The following ZMAT4 variants were observed in gnomAD, a reference collection of about 807,000 sequenced individuals.
ZMAT4 encodes zinc finger matrin-type protein 4.
A neutral mutation model predicts 28.7 loss-of-function variants in ZMAT4; 17 were observed. That is an observed-to-expected ratio of 0.59 (90% CI 0.41 to 0.89). The LOEUF (loss-of-function observed/expected upper bound fraction) is 0.89. Among genes scored for constraint, ZMAT4 ranks in the 40% least tolerant of loss-of-function variants. The probability of loss-of-function intolerance (pLI) is 0.00; values close to 1 mark genes in which losing one functional copy is unlikely to be tolerated. For synonymous variants in ZMAT4, 117 were observed against 109.2 expected (o/e 1.07, Z -0.44); for missense variants, 240 against 283.8 (o/e 0.85, Z 1.11).
At chr8:40,841,081 C>T (rs973193993) in intron 1 of ZMAT4, among the ~76,000 whole-genome samples, 15 of 152,198 alleles carry the variant, frequency 9.9e-5, no homozygotes, top group African/African-American at 3.6e-4. Context: ...AGAAGAGCAA[C>T]ATCACAGGCT....
intron 3 of ZMAT4, among the ~76,000 whole-genome samples, chr8:40,751,939 C>T (rs956110049): frequency 3.3e-5 from 5 of 152,110 alleles, no homozygotes; most frequent in Non-Finnish European, 5.9e-5. Context: ...AGGGAAGACC[C>T]CTGTCCTCCT....
chr8:40,552,146 C>T (rs1017900132), intron 6 of ZMAT4, among the ~76,000 whole-genome samples: 28 of 151,846 alleles, frequency 1.8e-4, no homozygotes, highest in Non-Finnish European at 1.2e-4. Context: ...CTCATAATAG[C>T]CCTCTCTTCT....
intron 1 of ZMAT4, among the ~76,000 whole-genome samples, chr8:40,853,936 T>C (rs1817207427): frequency 6.6e-6 from 1 of 152,182 alleles, no homozygotes. Flanking sequence ...CTGCAGGCTG[T>C]ACAGGAAGCA....
intron 5 of ZMAT4, among the ~76,000 whole-genome samples, chr8:40,621,160 G>A (rs1045507873): frequency 2.6e-5 from 4 of 152,182 alleles, no homozygotes; most frequent in Admixed American, 6.5e-5. Flanking sequence ...AGCCCTACCA[G>A]CGAGGGAGTG....
chr8:40,689,598 C>T (rs4472504), intron 4 of ZMAT4, among the ~76,000 whole-genome samples: 146,642 of 152,100 alleles, frequency 0.96, 70,883 homozygotes, highest in East Asian at 1. Context: ...AGGTGTGATG[C>T]TTACTTTATG....
At chr8:40,886,307 G>A (rs1818450025) in intron 1 of ZMAT4, among the ~76,000 whole-genome samples, 1 of 152,216 alleles carries the variant, frequency 6.6e-6, no homozygotes, top group South Asian at 2.1e-4. Flanking sequence ...ATCAGAAGGG[G>A]CAAATGCAGA....
At chr8:40,597,438 T>C (rs1805143035) in intron 5 of ZMAT4, among the ~76,000 whole-genome samples, 1 of 152,210 alleles carries the variant, frequency 6.6e-6, no homozygotes, top group Admixed American at 6.5e-5. Context: ...CTGCTTCCCC[T>C]GTCTGATCCT....
At chr8:40,723,413 G>C (rs1811187482) in intron 3 of ZMAT4, among the ~76,000 whole-genome samples, 1 of 151,812 alleles carries the variant, frequency 6.6e-6, no homozygotes, top group Non-Finnish European at 1.5e-5. Flanking sequence ...CATGGTGGCA[G>C]GCACCTGTAA....
At chr8:40,830,959 T>G (rs1195577958) in intron 1 of ZMAT4, among the ~76,000 whole-genome samples, 1 of 152,210 alleles carries the variant, frequency 6.6e-6, no homozygotes, top group African/African-American at 2.4e-5. Flanking sequence ...TAGCACAGAC[T>G]GTGGCATAGC....
chr8:40,677,886 A>G (rs1808978074), intron 4 of ZMAT4, among the ~76,000 whole-genome samples: 1 of 152,208 alleles, frequency 6.6e-6, no homozygotes, highest in South Asian at 2.1e-4. Flanking sequence ...CCTGCCCTTT[A>G]TATAGATTCA....
At chr8:40,653,074 A>C (rs1807754802) in intron 5 of ZMAT4, among the ~76,000 whole-genome samples, 1 of 152,122 alleles carries the variant, frequency 6.6e-6, no homozygotes, top group South Asian at 2.1e-4. Flanking sequence ...ACTAAAACTT[A>C]AAGTATAATA....
chr8:40,855,945 C>A (rs1817282324), intron 1 of ZMAT4, among the ~76,000 whole-genome samples: 1 of 152,056 alleles, frequency 6.6e-6, no homozygotes, highest in Non-Finnish European at 1.5e-5. Context: ...CCCACCTCGA[C>A]CTCCCAAAGT....
At chr8:40,680,072 TAC>T (rs1809089230) in intron 4 of ZMAT4, among the ~76,000 whole-genome samples, 1 of 152,172 alleles carries the variant, frequency 6.6e-6, no homozygotes, top group African/African-American at 2.4e-5. Context: ...TGTCAAAGTG[TAC>T]ATACATATCA....
At chr8:40,638,290 A>G (rs540474933) in intron 5 of ZMAT4, among the ~76,000 whole-genome samples, 4 of 150,600 alleles carry the variant, frequency 2.7e-5, no homozygotes, top group East Asian at 3.8e-4. Context: ...TCATTCCACA[A>G]TGGGTGCATG....
intron 2 of ZMAT4, among the ~76,000 whole-genome samples, chr8:40,819,164 A>G (rs1213269464): frequency 6.6e-6 from 1 of 152,144 alleles, no homozygotes; most frequent in Non-Finnish European, 1.5e-5. Context: ...TGTAGGTCCA[A>G]TATGCCTGCT....
chr8:40,532,159 TA>T lies in ZMAT4; in HGVS notation c.*63del. On this transcript the variant is annotated 3_prime_UTR_variant, in exon 7 of 7. Coordinates refer to ENST00000297737, the MANE Select transcript of ZMAT4 (RefSeq NM_024645.3). ...GAAAGAAGCCTCCTCTGGTGGTTGA[TA>T]AGCAATTCTCCACGGCAGAGAAATG... 1 of 1,486,690 alleles carries T rather than the reference TA, an allele frequency of 6.7e-7. No homozygotes were observed. Among genetic ancestry groups the T allele is most frequent in the Non-Finnish European group, 9.1e-7 (1 of 1,104,566 alleles). The allele number at this position is 1,486,690 out of a possible 1,614,324, so 92.1% of individuals were successfully genotyped here.
rs1316737566 is a variant in ZMAT4, at chr8:40,858,498, T to G, written c.-4-32818A>C. 3.3e-5 allele frequency among the ~76,000 whole-genome samples: 5 copies of G among 152,284 alleles called. No individual in the cohort carries two copies. In the East Asian group the frequency reaches 9.7e-4, roughly 29 times the overall value. On this transcript the variant is annotated intron_variant, in intron 1 of 6. Coordinates refer to ENST00000297737, the MANE Select transcript of ZMAT4 (RefSeq NM_024645.3). ...TTGACAGGTTTAATAAGCAAGTATA[T>G]GGATGCATTAATGAATAATGTCAGG...
At chr8:40,587,319 T>C (rs772853724) in intron 5 of ZMAT4, among the ~76,000 whole-genome samples, 20 of 151,978 alleles carry the variant, frequency 1.3e-4, no homozygotes, top group Non-Finnish European at 2.6e-4. Context: ...ACTCAGACTA[T>C]GGGGAAAAAA....
intron 1 of ZMAT4, among the ~76,000 whole-genome samples, chr8:40,881,027 C>T (rs549954411): frequency 4.9e-4 from 74 of 152,264 alleles, no homozygotes; most frequent in African/African-American, 1.6e-3. Flanking sequence ...TTTCGTCTAA[C>T]CTCTCTTGAG....
Sources: allele counts gnomAD v4.1 joint callset (sites outside exome capture counted in the v4.1 genomes callset), GRCh38; gene constraint gnomAD v4.1.1; transcripts MANE v1.5; gene names NCBI Gene and HGNC (gene_info 2026-07-23, HGNC 2026-07-21).